Variants in HIBCH observed in about 807,000 individuals in gnomAD.
HIBCH encodes 3-hydroxyisobutyryl-CoA hydrolase, mitochondrial.
In HIBCH, 50 loss-of-function variants were observed where a neutral mutation model predicts 58.2. That is an observed-to-expected ratio of 0.86 (90% confidence interval 0.68 to 1.09). The LOEUF (loss-of-function observed/expected upper bound fraction) is 1.09, where lower values mean the gene tolerates loss of function less well. Ranked by LOEUF, HIBCH falls within the 50% of genes least tolerant of loss-of-function variation. The pLI, the probability that HIBCH is intolerant of heterozygous loss-of-function variation, is 0.00. For synonymous variants in HIBCH, 151 were observed against 146.9 expected (o/e 1.03, Z -0.20); for missense variants, 450 against 449.7 (o/e 1.00, Z -0.01).
chr2:190,278,243 C>T (rs946921619), intron 6 of HIBCH, among the ~76,000 whole-genome samples: 9 of 151,794 alleles, frequency 5.9e-5, no homozygotes, highest in Admixed American at 2.6e-4. Flanking sequence ...CTCGCTCTGT[C>T]GCCCAGGCTG....
intron 4 of HIBCH, among the ~76,000 whole-genome samples, chr2:190,292,342 G>C (rs1245601428): frequency 6.7e-6 from 1 of 149,266 alleles, no homozygotes; most frequent in Non-Finnish European, 1.5e-5. Flanking sequence ...GTCTTGCCTT[G>C]TCACCAGGCT....
chr2:190,249,535 C>A, intron 9 of HIBCH, 105 bp downstream of exon 9: 1 of 679,354 alleles, frequency 1.5e-6, no homozygotes, highest in Non-Finnish European at 2.6e-6. Context: ...ATCCTTAGTA[C>A]ATTTATTTAT....
chr2:190,223,976 A>C (rs751393115), intron 11 of HIBCH, among the ~76,000 whole-genome samples: 12 of 152,230 alleles, frequency 7.9e-5, no homozygotes, highest in African/African-American at 1.7e-4. Context: ...CCTGAGAAGC[A>C]AAAGGGGTCG....
chr2:190,288,759 T>C (rs1477907415), intron 5 of HIBCH, among the ~76,000 whole-genome samples: 2 of 152,348 alleles, frequency 1.3e-5, no homozygotes, highest in African/African-American at 4.8e-5. Flanking sequence ...CAGCGGCCTC[T>C]ATTTGTCTAC....
chr2:190,255,570 C>A (rs143953495), intron 7 of HIBCH, among the ~76,000 whole-genome samples: 358 of 152,286 alleles, frequency 2.4e-3, no homozygotes, highest in African/African-American at 8.1e-3. Flanking sequence ...GTTTTCAACA[C>A]ACTGAACATC....
chr2:190,314,327 A>ATACGTATATATATACGTATATATG (rs1559068390), intron 1 of HIBCH, among the ~76,000 whole-genome samples: 4 of 2,400 alleles, frequency 1.7e-3, no homozygotes, highest in Admixed American at 4.2e-3. Context: ...ATATGTATAT[A>ATACGTATATATATACGTATATATG]TGTATATATA....
At chr2:190,232,217 A>AT (rs1314485294) in intron 11 of HIBCH, among the ~76,000 whole-genome samples, 1 of 152,162 alleles carries the variant, frequency 6.6e-6, no homozygotes, top group Non-Finnish European at 1.5e-5. Flanking sequence ...TTTAATTTCA[A>AT]TTTTATTTCT....
intron 11 of HIBCH, 149 bp from the exon 12 acceptor site, chr2:190,213,224 C>T: frequency 1.5e-6 from 1 of 654,848 alleles, no homozygotes; most frequent in Non-Finnish European, 2.6e-6. Flanking sequence ...AAGCACCAAA[C>T]AAAACTTTTC....
rs192355663 is a variant in HIBCH at position 190,228,984 on chromosome 2, A to T, written c.891+15903T>A. Among the ~76,000 whole-genome samples, 571 of 152,282 alleles carry T rather than the reference A, an allele frequency of 3.7e-3. 1 individual carries two copies. The highest frequency in any genetic ancestry group is 0.013 in the African/African-American group (536 of 41,562). Reference sequence around the variant, plus strand: ...AAGAACCCTTCTTTTGACAAGTTTTATCTAGACATGGGAAATTTCTAACAA... The same window carrying T: ...AAGAACCCTTCTTTTGACAAGTTTTTTCTAGACATGGGAAATTTCTAACAA... On this transcript the variant is annotated intron_variant, in intron 11 of 13. Transcript: ENST00000359678.
chr2:190,232,176 C>A lies in HIBCH; in HGVS notation c.891+12711G>T, dbSNP rs138596812. Among the ~76,000 whole-genome samples the A allele has an allele frequency of 3.9e-3, 598 of 152,250 alleles. 1 individual carries two copies. Among genetic ancestry groups the A allele is most frequent in the African/African-American group, 0.013 (551 of 41,542 alleles). On this transcript the variant is annotated intron_variant, in intron 11 of 13. Transcript: ENST00000359678. ...TGCCACTGCACTCCAGCCCGGGCAA[C>A]AGAGCAAGACTCCATCTCAAAAAAA...
intron 6 of HIBCH, among the ~76,000 whole-genome samples, chr2:190,270,065 C>A (rs1045268976): frequency 6.6e-6 from 1 of 151,930 alleles, no homozygotes; most frequent in Non-Finnish European, 1.5e-5. Flanking sequence ...CGGGGCCTGT[C>A]GGGAGGTGAG....
intron 6 of HIBCH, among the ~76,000 whole-genome samples, chr2:190,287,073 T>C (rs1687849525): frequency 6.7e-6 from 1 of 149,706 alleles, no homozygotes; most frequent in Non-Finnish European, 1.5e-5. Context: ...CATATATTTT[T>C]TTGTTTTTGA....
At chr2:190,200,295 T>A, downstream of HIBCH, 1 of 682,394 alleles carries the variant, frequency 1.5e-6, no homozygotes, top group South Asian at 1.9e-5. Context: ...ACAACTAGGA[T>A]GAAATGCATT....
At chr2:190,225,110 A>C (rs979841516) in intron 11 of HIBCH, among the ~76,000 whole-genome samples, 19 of 152,350 alleles carry the variant, frequency 1.2e-4, no homozygotes, top group African/African-American at 4.3e-4. Context: ...TCTGGGACAC[A>C]CTTAAAGCAG....
chr2:190,203,671 T>C (rs893242859), downstream of HIBCH, among the ~76,000 whole-genome samples: 1 of 152,136 alleles, frequency 6.6e-6, no homozygotes, highest in Non-Finnish European at 1.5e-5. Flanking sequence ...TAAATGTAAA[T>C]GTATCCGATA....
chr2:190,295,962 A>G (rs1688093262), intron 3 of HIBCH, among the ~76,000 whole-genome samples: 1 of 152,174 alleles, frequency 6.6e-6, no homozygotes, highest in Admixed American at 6.6e-5. Context: ...AGAACTGAGG[A>G]GATTTGAGGT....
At position 190,210,145 on chromosome 2, in the gene HIBCH, C is replaced by T. The variant is rs964761608; in HGVS notation, c.1012-1232G>A. ...TTTCACTTTCAAGAGTATTCATCTACACATATTCTCTCCACTTCTTCACAT... is the reference window on the plus strand; with the variant it reads ...TTTCACTTTCAAGAGTATTCATCTATACATATTCTCTCCACTTCTTCACAT... On this transcript the variant is annotated intron_variant, in intron 12 of 13. Transcript: ENST00000359678. This position sits in a 1 kb window ranked among gnomAD's most constrained non-coding sequence, Gnocchi z 5.5. Among the ~76,000 whole-genome samples the T allele has an allele frequency of 6.6e-6, 1 of 152,122 alleles. No individual in the cohort carries two copies. Among genetic ancestry groups the T allele is most frequent in the Non-Finnish European group, 1.5e-5 (1 of 68,026 alleles).
At chr2:190,194,519 CGCA>C (rs1029260002) in intron 1 of HIBCH, among the ~76,000 whole-genome samples, 8 of 150,018 alleles carry the variant, frequency 5.3e-5, no homozygotes, top group South Asian at 2.1e-4. Flanking sequence ...CACACACACA[CGCA>C]GCATCTCCCA....
chr2:190,212,148 C>T (rs1690526073), intron 12 of HIBCH, among the ~76,000 whole-genome samples: 1 of 152,190 alleles, frequency 6.6e-6, no homozygotes, highest in Non-Finnish European at 1.5e-5. Context: ...ATATAAAGTG[C>T]CTAGCGTAGT....
Sources: allele counts gnomAD v4.1 joint callset (sites outside exome capture counted in the v4.1 genomes callset), GRCh38; gene constraint gnomAD v4.1.1; non-coding constraint Gnocchi (gnomAD v3.1); transcripts MANE v1.5; gene names NCBI Gene and HGNC (gene_info 2026-07-23, HGNC 2026-07-21).